Variants in NF1 observed in about 807,000 individuals in gnomAD.
NF1 encodes neurofibromin 1.
A neutral mutation model predicts 325.7 loss-of-function variants in NF1; 122 were observed. The observed-to-expected ratio is 0.37, with a 90% CI of 0.32 to 0.44. NF1 has a LOEUF of 0.44. Ranked by LOEUF, NF1 falls within the 20% of genes least tolerant of loss-of-function variation. The pLI is 1.00. For synonymous variants in NF1, 1,091 were observed against 1,186.0 expected, an observed-to-expected ratio of 0.92 and a Z score of 1.65; for missense variants, 2,140 against 3,415.4, an observed-to-expected ratio of 0.63 and a Z score of 9.31.
intron 36 of NF1, chr17:31,304,155 G>A: frequency 1.7e-6 from 2 of 1,156,772 alleles, no homozygotes; most frequent in South Asian, 3.3e-5. Context: ...GATAGTTCCT[G>A]AATAAAAATC....
intron 57 of NF1, among the ~76,000 whole-genome samples, chr17:31,371,482 A>G (rs1314181208): frequency 1.3e-5 from 2 of 152,248 alleles, no homozygotes; most frequent in Non-Finnish European, 2.9e-5. Flanking sequence ...TCCAGAGATC[A>G]TGAGCAGCTT....
At chr17:31,304,060 A>C (rs1161529123) in intron 36 of NF1, 1 of 494,132 alleles carries the variant, frequency 2.0e-6, no homozygotes, top group South Asian at 3.1e-5. Context: ...AAAGATAGGT[A>C]CTATAATTAG....
chr17:31,097,541 A>G (rs1911856159), intron 1 of NF1, among the ~76,000 whole-genome samples: 1 of 151,134 alleles, frequency 6.6e-6, no homozygotes, highest in Admixed American at 6.6e-5. Context: ...TTCTGTCCCT[A>G]GCTTTAAAAG....
intron 15 of NF1, among the ~76,000 whole-genome samples, chr17:31,223,035 CTG>C (rs961136423): frequency 3.9e-5 from 6 of 152,180 alleles, no homozygotes; most frequent in Non-Finnish European, 7.3e-5. Context: ...TTAACTAAAA[CTG>C]TATATTTACA....
At chr17:31,131,212 C>T (rs995315244) in intron 1 of NF1, among the ~76,000 whole-genome samples, 2 of 152,228 alleles carry the variant, frequency 1.3e-5, no homozygotes, top group Non-Finnish European at 2.9e-5. Flanking sequence ...AACCTCTGAG[C>T]TCTGCCCTGG....
At chr17:31,131,085 C>T (rs1915346065) in intron 1 of NF1, among the ~76,000 whole-genome samples, 1 of 152,188 alleles carries the variant, frequency 6.6e-6, no homozygotes, top group Non-Finnish European at 1.5e-5. Flanking sequence ...GGCAAGACTG[C>T]CCTGCAGAGT....
At chr17:31,269,138 C>T (rs1019741046) in intron 36 of NF1, among the ~76,000 whole-genome samples, 1 of 152,094 alleles carries the variant, frequency 6.6e-6, no homozygotes, top group Non-Finnish European at 1.5e-5. Context: ...TAGCATTATT[C>T]TCCTCCTCCT....
At chr17:31,206,518 A>G (rs1014937875) in intron 12 of NF1, 147 bp downstream of exon 12, 19 of 910,462 alleles carry the variant, frequency 2.1e-5, no homozygotes, top group Non-Finnish European at 3.4e-5. Flanking sequence ...TGTATCTAGA[A>G]TATTGTTGAA....
At chr17:31,221,093 G>C (rs1367007381) in intron 14 of NF1, among the ~76,000 whole-genome samples, 3 of 152,098 alleles carry the variant, frequency 2.0e-5, no homozygotes, top group African/African-American at 4.8e-5. Context: ...TGCTGGGTTG[G>C]GGGTGGAGGG....
At chr17:31,215,375 G>A (rs564616970) in intron 13 of NF1, among the ~76,000 whole-genome samples, 6 of 152,208 alleles carry the variant, frequency 3.9e-5, no homozygotes, top group African/African-American at 7.2e-5. Context: ...TAGGAACAAC[G>A]CAAATAATAA....
At chr17:31,142,587 G>T (rs1448248831) in intron 1 of NF1, among the ~76,000 whole-genome samples, 2 of 152,130 alleles carry the variant, frequency 1.3e-5, no homozygotes, top group East Asian at 1.9e-4. Flanking sequence ...CGGAAATGAG[G>T]CCGGGCACTG....
chr17:31,277,104 G>A (rs2068024060), intron 36 of NF1, among the ~76,000 whole-genome samples: 1 of 152,184 alleles, frequency 6.6e-6, no homozygotes, highest in African/African-American at 2.4e-5. Flanking sequence ...TCTCTGAGTG[G>A]AAGTGGATTA....
At chr17:31,210,098 T>G (rs545187337) in intron 12 of NF1, among the ~76,000 whole-genome samples, 5 of 152,336 alleles carry the variant, frequency 3.3e-5, no homozygotes, top group Admixed American at 3.3e-4. Flanking sequence ...TGACATTCAG[T>G]TCAGTGTCTT....
At chr17:31,188,550 G>T (rs1048614383) in intron 8 of NF1, among the ~76,000 whole-genome samples, 1 of 152,118 alleles carries the variant, frequency 6.6e-6, no homozygotes, top group Admixed American at 6.6e-5. Flanking sequence ...GATATGTATG[G>T]GTTCAAGTTG....
intron 57 of NF1, among the ~76,000 whole-genome samples, chr17:31,363,194 A>G (rs1296825163): frequency 6.6e-6 from 1 of 152,074 alleles, no homozygotes; most frequent in African/African-American, 2.4e-5. Context: ...ATTTTACTAC[A>G]TGTTTTCAGA....
intron 36 of NF1, among the ~76,000 whole-genome samples, chr17:31,292,824 A>G (rs938361113): frequency 6.6e-6 from 1 of 152,138 alleles, no homozygotes; most frequent in Non-Finnish European, 1.5e-5. Context: ...TCCCCTTAAA[A>G]ATTCTAAGAC....
intron 36 of NF1, among the ~76,000 whole-genome samples, chr17:31,275,007 C>G (rs1380807500): frequency 6.6e-6 from 1 of 152,114 alleles, no homozygotes; most frequent in Non-Finnish European, 1.5e-5. Context: ...TCATTATCTT[C>G]TCTTTCTTAT....
At chr17:31,102,264 A>G (rs1912406507) in intron 1 of NF1, among the ~76,000 whole-genome samples, 1 of 152,272 alleles carries the variant, frequency 6.6e-6, no homozygotes, top group Non-Finnish European at 1.5e-5. Flanking sequence ...GATATTTTGC[A>G]ATGGTGTGAT....
At chr17:31,326,878 C>A (rs1011637146) in intron 37 of NF1, among the ~76,000 whole-genome samples, 2 of 152,118 alleles carry the variant, frequency 1.3e-5, no homozygotes, top group African/African-American at 4.8e-5. Flanking sequence ...GAGTGAGGAA[C>A]ATGAACCTTC....
Sources: allele counts gnomAD v4.1 joint callset (sites outside exome capture counted in the v4.1 genomes callset), GRCh38; gene constraint gnomAD v4.1.1; transcripts MANE v1.5; gene names NCBI Gene and HGNC (gene_info 2026-07-23, HGNC 2026-07-21).